The following CDH12 variants were observed in gnomAD, a reference collection of about 807,000 sequenced individuals.
The protein encoded by CDH12 is cadherin 12.
Under a neutral mutation model 74.1 loss-of-function variants are expected in CDH12, and 41 were observed. The observed-to-expected ratio is 0.55, with a 90% CI of 0.43 to 0.72. The LOEUF (loss-of-function observed/expected upper bound fraction) is 0.72, where lower values mean the gene tolerates loss of function less well. CDH12 is among the 30% of genes least tolerant of loss of function. CDH12 has a pLI of 0.00. For synonymous variants in CDH12, 399 were observed against 355.0 expected (o/e 1.12, Z -1.39); for missense variants, 945 against 977.2 (o/e 0.97, Z 0.44).
At chr5:22,145,421 A>C (rs1747097614) in intron 4 of CDH12, among the ~76,000 whole-genome samples, 1 of 152,038 alleles carries the variant, frequency 6.6e-6, no homozygotes. Context: ...CTGAAATATC[A>C]CAAAAGTGAT....
intron 6 of CDH12, among the ~76,000 whole-genome samples, chr5:21,886,044 T>A (rs1426044060): frequency 6.6e-6 from 1 of 152,134 alleles, no homozygotes; most frequent in Non-Finnish European, 1.5e-5. Context: ...AAAATAAAAT[T>A]TTTGGTTAAG....
intron 1 of CDH12, among the ~76,000 whole-genome samples, chr5:22,733,023 ATG>A (rs1744511436): frequency 6.6e-6 from 1 of 151,950 alleles, no homozygotes; most frequent in Non-Finnish European, 1.5e-5. Context: ...ATCTGAAATA[ATG>A]TGTGTGATTA....
chr5:21,990,373 G>A (rs1490296526), intron 5 of CDH12, among the ~76,000 whole-genome samples: 1 of 152,060 alleles, frequency 6.6e-6, no homozygotes, highest in Non-Finnish European at 1.5e-5. Flanking sequence ...ATATTTGTGG[G>A]TTAGAATCCG....
intron 2 of CDH12, among the ~76,000 whole-genome samples, chr5:22,425,967 T>C (rs1359609223): frequency 2.0e-5 from 3 of 151,828 alleles, no homozygotes; most frequent in Non-Finnish European, 4.4e-5. Flanking sequence ...GGTGAGCGGA[T>C]CACAAGGTCA....
chr5:22,679,907 T>G (rs770459717), intron 1 of CDH12, among the ~76,000 whole-genome samples: 1 of 152,124 alleles, frequency 6.6e-6, no homozygotes, highest in Non-Finnish European at 1.5e-5. Flanking sequence ...GCGTTTGCTA[T>G]GTAGAGGTCT....
intron 6 of CDH12, among the ~76,000 whole-genome samples, chr5:21,909,467 A>G (rs186079381): frequency 1.8e-3 from 268 of 152,264 alleles, no homozygotes; most frequent in Admixed American, 3.1e-3. Context: ...ATTGTTCATT[A>G]GTGAGAAATG....
chr5:21,792,687 A>G lies in CDH12; in HGVS notation c.1257-9193T>C, dbSNP rs1009692741. On this transcript the variant is annotated intron_variant, in intron 10 of 14. Transcript: ENST00000382254. ...CTTCAAAACTCTCTTCTCCTCTGCC[A>G]TTCTGTTGGTTATCTGACCACTGTA... 7.8e-5 allele frequency among the ~76,000 whole-genome samples: 11 copies of G among 140,520 alleles called. No homozygotes were observed. The South Asian group carries it at 1.3e-3, about 17-fold the overall frequency. 92.2% of individuals were successfully genotyped at this position (140,520 alleles called of 152,430 possible).
intron 3 of CDH12, among the ~76,000 whole-genome samples, chr5:22,325,738 A>G (rs928646927): frequency 1.3e-5 from 2 of 152,022 alleles, no homozygotes; most frequent in Non-Finnish European, 2.9e-5. Flanking sequence ...TACAAAAAAA[A>G]TCTACTAAAA....
rs558862122 is a variant in CDH12 at position 21,821,229 on chromosome 5, A to T, written c.815-4097T>A. Among the ~76,000 whole-genome samples the T allele has an allele frequency of 2.5e-3, 375 of 150,586 alleles. 1 individual carries two copies. Among genetic ancestry groups the T allele is most frequent in the Non-Finnish European group, 4.0e-3 (267 of 67,386 alleles). ...GGTAGGGGACATGCATTGCTACTTT[A>T]AAAAAAAAGGATGTAAAATATATTT... On this transcript the variant is annotated intron_variant, in intron 8 of 14. Transcript: ENST00000382254.
At chr5:22,698,386 G>T (rs961015243) in intron 1 of CDH12, among the ~76,000 whole-genome samples, 3 of 151,530 alleles carry the variant, frequency 2.0e-5, no homozygotes, top group East Asian at 2.0e-4. Flanking sequence ...CTCCCAAAAT[G>T]CTGGGATTAC....
intron 5 of CDH12, among the ~76,000 whole-genome samples, chr5:22,028,026 G>A (rs1297944904): frequency 1.2e-4 from 18 of 151,990 alleles, no homozygotes; most frequent in Admixed American, 3.3e-4. Flanking sequence ...CTTTGTTCTC[G>A]TTGGTTTCAA....
chr5:22,105,136 G>C (rs1744353173), intron 4 of CDH12, among the ~76,000 whole-genome samples: 1 of 151,766 alleles, frequency 6.6e-6, no homozygotes, highest in Admixed American at 6.6e-5. Flanking sequence ...TCTGTTGCCA[G>C]GCTGGAATGC....
At chr5:22,387,463 C>A (rs2126406195) in intron 3 of CDH12, among the ~76,000 whole-genome samples, 1 of 152,210 alleles carries the variant, frequency 6.6e-6, no homozygotes, top group Non-Finnish European at 1.5e-5. Flanking sequence ...CTGTCCCTAT[C>A]CACCTTTGTT....
At chr5:22,655,507 A>G (rs1195337686) in intron 1 of CDH12, among the ~76,000 whole-genome samples, 5 of 152,310 alleles carry the variant, frequency 3.3e-5, no homozygotes, top group South Asian at 2.1e-4. Context: ...TATTATCTAC[A>G]TTTCTACAAG....
intron 3 of CDH12, among the ~76,000 whole-genome samples, chr5:22,283,562 A>C (rs1737011056): frequency 6.6e-6 from 1 of 151,968 alleles, no homozygotes; most frequent in Admixed American, 6.6e-5. Context: ...CTGAAAAATC[A>C]AACTCATAGG....
At chr5:22,122,991 C>A (rs970746450) in intron 4 of CDH12, among the ~76,000 whole-genome samples, 41 of 152,312 alleles carry the variant, frequency 2.7e-4, no homozygotes, top group Non-Finnish European at 2.2e-4. Context: ...GACAATTCAT[C>A]CTAAATATCT....
At chr5:22,323,470 TCTGA>T (rs1738966469) in intron 3 of CDH12, among the ~76,000 whole-genome samples, 1 of 152,184 alleles carries the variant, frequency 6.6e-6, no homozygotes, top group South Asian at 2.1e-4. Flanking sequence ...TCTATTTGTC[TCTGA>T]CTATGAAATA....
chr5:22,152,447 TA>T (rs1191986565), intron 4 of CDH12: 1 of 152,178 alleles, frequency 6.6e-6, no homozygotes, highest in Non-Finnish European at 1.5e-5. Flanking sequence ...AAGAAATTCA[TA>T]TTCACCTTTC....
chr5:22,242,745 A>T (rs1162750032), intron 3 of CDH12, among the ~76,000 whole-genome samples: 1 of 152,054 alleles, frequency 6.6e-6, no homozygotes, highest in Non-Finnish European at 1.5e-5. Context: ...CTCCTCTTGG[A>T]TCCATCAGTA....
Sources: allele counts gnomAD v4.1 joint callset (sites outside exome capture counted in the v4.1 genomes callset), GRCh38; gene constraint gnomAD v4.1.1; transcripts MANE v1.5; gene names NCBI Gene and HGNC (gene_info 2026-07-23, HGNC 2026-07-21).